PHKB: variants seen among roughly 807,000 people sequenced by gnomAD.
PHKB encodes the protein phosphorylase kinase regulatory subunit beta, also known as phosphorylase b kinase regulatory subunit beta.
In PHKB, 122 loss-of-function variants were observed where a neutral mutation model predicts 152.1. The ratio of observed to expected loss-of-function variants is 0.80; its 90% CI spans 0.69 to 0.93. The LOEUF is 0.93. PHKB is among the 40% of genes least tolerant of loss of function. The pLI, the probability that PHKB is intolerant of heterozygous loss-of-function variation, is 0.00. For synonymous variants in PHKB, 436 were observed against 464.9 expected, an observed-to-expected ratio of 0.94 and a Z score of 0.80; for missense variants, 1,304 against 1,328.4, an observed-to-expected ratio of 0.98 and a Z score of 0.29.
chr16:47,616,616 T>C (rs1209901162), intron 14 of PHKB, among the ~76,000 whole-genome samples: 1 of 145,874 alleles, frequency 6.9e-6, no homozygotes, highest in African/African-American at 2.5e-5. Context: ...TACATATAAA[T>C]ATCATATATT....
chr16:47,628,259 G>A (rs2341961), intron 14 of PHKB, among the ~76,000 whole-genome samples: 15,323 of 152,206 alleles, frequency 0.1, 1,562 homozygotes, highest in African/African-American at 0.26. Context: ...CTGGCCGGGC[G>A]CGGTGGCTCA....
rs748242735 is a variant in PHKB, at chr16:47,580,297, C to A, written c.713C>A (p.Ser238Ter). The A allele has an allele frequency of 1.9e-6, 3 of 1,611,306 alleles. No individual in the cohort carries two copies. Among genetic ancestry groups the A allele is most frequent in the Non-Finnish European group, 2.5e-6 (3 of 1,177,818 alleles). Residue 238 changes from serine to a stop codon, truncating the protein, a stop_gained and splice_region_variant, in exon 8 of 31, where the codon TCG becomes TAG. Coordinates refer to ENST00000323584, the MANE Select transcript of PHKB (RefSeq NM_000293.3). LOFTEE classifies it high-confidence loss of function. Reference sequence around the variant, plus strand: ...AAGCATTTCCTTTTCTCTTTTAGCTCGGTTGGTTTAGCAAAAGCAGCTCTA... The same window carrying A: ...AAGCATTTCCTTTTCTCTTTTAGCTAGGTTGGTTTAGCAAAAGCAGCTCTA... ...NNGSTELHSS[S>*]VGLAKAALEA...
chr16:47,601,479 G>A (rs1481078837), intron 13 of PHKB, among the ~76,000 whole-genome samples: 1 of 152,064 alleles, frequency 6.6e-6, no homozygotes, highest in Non-Finnish European at 1.5e-5. Flanking sequence ...GCCGAGGCAG[G>A]CGGATCATGA....
At chr16:47,684,636 G>A (rs953198694) in intron 26 of PHKB, among the ~76,000 whole-genome samples, 5 of 152,096 alleles carry the variant, frequency 3.3e-5, no homozygotes, top group South Asian at 2.1e-4. Flanking sequence ...GCGTAGTAGC[G>A]GGCGCCTGTA....
intron 17 of PHKB, among the ~76,000 whole-genome samples, 167 bp downstream of exon 17, chr16:47,648,783 G>A (rs1417307752): frequency 1.3e-5 from 2 of 151,978 alleles, no homozygotes; most frequent in African/African-American, 4.8e-5. Flanking sequence ...ATCATATCAT[G>A]GAAGTCTTAT....
intron 5 of PHKB, among the ~76,000 whole-genome samples, chr16:47,513,288 G>T (rs145388309): frequency 1.1e-4 from 16 of 152,292 alleles, no homozygotes; most frequent in African/African-American, 3.4e-4. Flanking sequence ...GCTGCCCATA[G>T]GAGTGAAATT....
At chr16:47,581,796 C>T (rs1363579179) in intron 8 of PHKB, among the ~76,000 whole-genome samples, 2 of 152,168 alleles carry the variant, frequency 1.3e-5, no homozygotes, top group Non-Finnish European at 2.9e-5. Context: ...TCTTCTGCCT[C>T]GGACCCCCGA....
rs767188845 is a variant in PHKB, at chr16:47,482,318, T to A, written c.77-15081T>A. On this transcript the variant is annotated intron_variant, in intron 1 of 30. Transcript: ENST00000323584. ...CTATTGGAAGAAAATTAACTAGCAT[T>A]CATTACCTACAAACTCTGTACTGTC... Among the ~76,000 whole-genome samples the A allele has an allele frequency of 3.9e-5, 6 of 152,234 alleles. 1 individual carries two copies. The highest frequency in any genetic ancestry group is 1.3e-4 in the Admixed American group (2 of 15,280).
intron 16 of PHKB, among the ~76,000 whole-genome samples, chr16:47,645,723 A>G (rs1973106842): frequency 1.3e-5 from 2 of 151,936 alleles, no homozygotes; most frequent in African/African-American, 2.4e-5. Context: ...GGCGAAGGAC[A>G]TGAACAGACA....
chr16:47,541,765 T>G (rs1291768895), intron 6 of PHKB, among the ~76,000 whole-genome samples: 1 of 152,260 alleles, frequency 6.6e-6, no homozygotes, highest in Non-Finnish European at 1.5e-5. Flanking sequence ...GAGCATTTTT[T>G]TTCATGTGTC....
At chr16:47,682,621 T>C (rs577835568) in intron 26 of PHKB, among the ~76,000 whole-genome samples, 7 of 152,364 alleles carry the variant, frequency 4.6e-5, no homozygotes, top group African/African-American at 1.7e-4. Flanking sequence ...CATCAGGTCC[T>C]TTAAGGACTT....
chr16:47,572,157 GACTT>G (rs755022692), intron 7 of PHKB, among the ~76,000 whole-genome samples: 2 of 152,222 alleles, frequency 1.3e-5, no homozygotes, highest in Non-Finnish European at 2.9e-5. Context: ...AAAGGGAGGG[GACTT>G]TGTGTGAGCA....
At chr16:47,590,852 A>G (rs1972016924) in intron 10 of PHKB, 2 of 152,208 alleles carry the variant, frequency 1.3e-5, no homozygotes, top group African/African-American at 2.4e-5. Context: ...GGAACTCCCC[A>G]TGAAAGCTTT....
At chr16:47,588,145 A>G (rs997451561) in intron 9 of PHKB, among the ~76,000 whole-genome samples, 1 of 152,016 alleles carries the variant, frequency 6.6e-6, no homozygotes, top group Non-Finnish European at 1.5e-5. Flanking sequence ...CATTCAATTC[A>G]CTTTTTCCCC....
chr16:47,464,883 T>A (rs1450021682), intron 1 of PHKB, among the ~76,000 whole-genome samples: 2 of 152,204 alleles, frequency 1.3e-5, no homozygotes, highest in Non-Finnish European at 2.9e-5. Context: ...TTAAGCAGAA[T>A]ATTTCAAGCC....
intron 20 of PHKB, among the ~76,000 whole-genome samples, chr16:47,654,394 C>T (rs1053435797): frequency 7.9e-5 from 12 of 151,948 alleles, no homozygotes; most frequent in Non-Finnish European, 1.3e-4. Flanking sequence ...GTCGGTGTGG[C>T]GATTCCTCAA....
intron 1 of PHKB, among the ~76,000 whole-genome samples, chr16:47,474,065 C>A (rs1969826911): frequency 6.6e-6 from 1 of 151,798 alleles, no homozygotes; most frequent in South Asian, 2.1e-4. Flanking sequence ...TGATATATGT[C>A]ATATATGCTC....
At chr16:47,637,987 A>G (rs1449027450) in intron 14 of PHKB, among the ~76,000 whole-genome samples, 2 of 152,000 alleles carry the variant, frequency 1.3e-5, no homozygotes, top group African/African-American at 4.8e-5. Context: ...AAGGATACCA[A>G]TCCTGCTCAT....
At chr16:47,475,022 A>AC in intron 1 of PHKB, among the ~76,000 whole-genome samples, 1 of 152,146 alleles carries the variant, frequency 6.6e-6, no homozygotes, top group African/African-American at 2.4e-5. Context: ...CTGCGCCTGG[A>AC]CTATTTCTTT....
Sources: allele counts gnomAD v4.1 joint callset (sites outside exome capture counted in the v4.1 genomes callset), GRCh38; gene constraint gnomAD v4.1.1; transcripts MANE v1.5; gene names NCBI Gene and HGNC (gene_info 2026-07-23, HGNC 2026-07-21).